Variants in SGF29 observed in about 807,000 individuals in gnomAD.
The protein encoded by SGF29 is SAGA complex associated factor 29, also known as SAGA-associated factor 29.
SGF29 carries 15 observed loss-of-function variants against 38.1 expected under a neutral mutation model. The ratio of observed to expected loss-of-function variants is 0.39; its 90% CI spans 0.26 to 0.61. The LOEUF (loss-of-function observed/expected upper bound fraction) is 0.61, where lower values mean the gene tolerates loss of function less well. Among genes scored for constraint, SGF29 ranks in the 20% least tolerant of loss-of-function variants. SGF29 has a pLI of 0.49. For missense variants in SGF29, 184 were observed against 394.6 expected (o/e 0.47, Z 4.52); for synonymous variants, 151 against 160.8 (o/e 0.94, Z 0.46).
At chr16:28,555,789 C>A (rs2046746987) in intron 1 of SGF29, among the ~76,000 whole-genome samples, 1 of 152,166 alleles carries the variant, frequency 6.6e-6, no homozygotes, top group Non-Finnish European at 1.5e-5. Flanking sequence ...TTTCAGTTGC[C>A]TCAATCATCA....
chr16:28,564,688 T>TACATATATATAC (rs1567285889), intron 1 of SGF29, among the ~76,000 whole-genome samples: 2 of 75,482 alleles, frequency 2.6e-5, no homozygotes, highest in African/African-American at 5.8e-5. Flanking sequence ...TATATATGTG[T>TACATATATATAC]ATATATATGT....
At chr16:28,564,699 A>ATATATATGTG (rs2046820350) in intron 1 of SGF29, among the ~76,000 whole-genome samples, 1 of 80,230 alleles carries the variant, frequency 1.2e-5, no homozygotes, top group Non-Finnish European at 2.5e-5. Context: ...ATATATATGT[A>ATATATATGTG]TATATATACA....
chr16:28,590,752 T>A lies in SGF29; in HGVS notation c.603-21T>A. Reference sequence around the variant, plus strand: ...GCATCCCCACCCGGCCACAGGTTGATATAAGCCCCTCTTCCCCCAGGAGAC... The same window carrying A: ...GCATCCCCACCCGGCCACAGGTTGAAATAAGCCCCTCTTCCCCCAGGAGAC... On this transcript the variant is annotated intron_variant, in intron 8 of 9. Transcript: ENST00000317058. This position sits in a 1 kb window ranked among gnomAD's most constrained non-coding sequence, Gnocchi z 8.2. The A allele has an allele frequency of 3.1e-6, 5 of 1,613,950 alleles. No homozygotes were observed. The highest frequency in any genetic ancestry group is 4.2e-6 in the Non-Finnish European group (5 of 1,179,950).
At chr16:28,589,042 A>G in intron 4 of SGF29, 58 bp from the exon 5 acceptor site, 1 of 1,585,820 alleles carries the variant, frequency 6.3e-7, no homozygotes, top group South Asian at 1.1e-5. Context: ...AAAATGGAAG[A>G]GAAGTCTATG....
At chr16:28,582,959 A>G (rs1197385795) in intron 2 of SGF29, among the ~76,000 whole-genome samples, 2 of 152,332 alleles carry the variant, frequency 1.3e-5, no homozygotes, top group South Asian at 2.1e-4. Context: ...AAGGAAAAAA[A>G]AGATACAGGC....
Position 28,590,655 on chromosome 16 carries a change from A to G in SGF29, c.591A>G (p.Glu197=). The change falls in exon 8 of 10, where the codon GAA becomes GAG. Residue 197 remains glutamate, a synonymous_variant. Transcript: ENST00000317058. This position sits in a 1 kb window ranked among gnomAD's most constrained non-coding sequence, Gnocchi z 8.2. ...TNKYEVDDID[E]EGKERHTLSR... is the part of the protein sequence containing the mutation. Reference sequence around the variant, plus strand: ...GGTATGAGGTAGATGACATCGATGAAGAAGGCAAAGAGTGAGTGTCCAGGC... The same window carrying G: ...GGTATGAGGTAGATGACATCGATGAGGAAGGCAAAGAGTGAGTGTCCAGGC... 1.2e-6 allele frequency: 2 copies of G among 1,614,060 alleles called. No homozygotes were observed. Among genetic ancestry groups the G allele is most frequent in the Non-Finnish European group, 1.7e-6 (2 of 1,180,004 alleles).
chr16:28,563,445 A>G (rs1345830701), intron 1 of SGF29, among the ~76,000 whole-genome samples: 1 of 152,116 alleles, frequency 6.6e-6, no homozygotes, highest in Admixed American at 6.6e-5. Context: ...CTTCCAGACC[A>G]CGTGGTCAGC....
chr16:28,575,396 A>T (rs2046886883), intron 1 of SGF29, among the ~76,000 whole-genome samples: 1 of 152,216 alleles, frequency 6.6e-6, no homozygotes, highest in Admixed American at 6.5e-5. Context: ...ACTCAAGACA[A>T]CTGGCTGGAC....
At chr16:28,573,902 G>A (rs1395864174) in intron 1 of SGF29, among the ~76,000 whole-genome samples, 2 of 152,164 alleles carry the variant, frequency 1.3e-5, no homozygotes, top group Admixed American at 1.3e-4. Context: ...TGGCCACGTG[G>A]TTGCAGCACC....
At chr16:28,557,322 T>A (rs551155159) in intron 1 of SGF29, among the ~76,000 whole-genome samples, 10 of 152,362 alleles carry the variant, frequency 6.6e-5, no homozygotes, top group Non-Finnish European at 1.5e-4. Flanking sequence ...GTTTGTTGAC[T>A]CTGTGATATT....
intron 1 of SGF29, among the ~76,000 whole-genome samples, chr16:28,559,209 A>T (rs950345202): frequency 6.6e-6 from 1 of 152,124 alleles, no homozygotes; most frequent in Admixed American, 6.6e-5. Flanking sequence ...AGTCCCAGCC[A>T]CTTGGGAGGC....
At chr16:28,566,585 T>C (rs2046837347) in intron 1 of SGF29, among the ~76,000 whole-genome samples, 1 of 150,268 alleles carries the variant, frequency 6.7e-6, no homozygotes, top group Non-Finnish European at 1.5e-5. Context: ...GGCTCAGGAG[T>C]TCAAGACCAG....
rs1491089075 is a variant in SGF29 at position 28,564,548 on chromosome 16, TAC to T, written c.-16+10452_-16+10453del. Among the ~76,000 whole-genome samples the T allele has an allele frequency of 1.5e-4, 14 of 92,148 alleles. 1 individual carries two copies. The highest frequency in any genetic ancestry group is 6.5e-4 in the Admixed American group (5 of 7,656). The allele number at this position is 92,148 out of a possible 152,430, so 60.5% of individuals were successfully genotyped here. A position where few individuals can be genotyped will look rare whatever the true frequency, so the allele number is the denominator to read the frequency against. ...GTGTGTATATATATATGTATATATA[TAC>T]GTATATATATATATACGTATATATA... On this transcript the variant is annotated intron_variant, in intron 1 of 9. Transcript: ENST00000317058.
intron 1 of SGF29, among the ~76,000 whole-genome samples, chr16:28,555,253 C>G (rs377685367): frequency 1.2e-4 from 18 of 151,502 alleles, no homozygotes; most frequent in East Asian, 3.9e-4. Flanking sequence ...TGCCTGAGCT[C>G]AGGGGTTTGA....
chr16:28,584,256 G>T (rs186764573), intron 2 of SGF29, among the ~76,000 whole-genome samples: 25 of 152,064 alleles, frequency 1.6e-4, no homozygotes, highest in Admixed American at 8.5e-4. Context: ...CTTCCAAAGT[G>T]CTGGGATTAC....
At chr16:28,580,077 G>C (rs1214707279) in intron 1 of SGF29, among the ~76,000 whole-genome samples, 3 of 152,158 alleles carry the variant, frequency 2.0e-5, no homozygotes, top group Non-Finnish European at 4.4e-5. Context: ...ATGGATACCA[G>C]AAATGTTTGA....
At chr16:28,555,475 CAA>C (rs1347740081) in intron 1 of SGF29, among the ~76,000 whole-genome samples, 1 of 152,204 alleles carries the variant, frequency 6.6e-6, no homozygotes, top group South Asian at 2.1e-4. Flanking sequence ...GACCCTGTCT[CAA>C]AAAAGAGTTC....
In SGF29 at chr16:28,591,734, A is replaced by C. The variant is rs2046993047; in HGVS notation, c.*28A>C. 2 of 1,540,478 alleles carry C rather than the reference A, an allele frequency of 1.3e-6. No homozygotes were observed. The highest frequency in any genetic ancestry group is 2.2e-5 in the East Asian group (1 of 44,578). On this transcript the variant is annotated 3_prime_UTR_variant, in exon 10 of 10. Transcript: ENST00000317058. Reference sequence around the variant, plus strand: ...CCGCCTGGCAGACTCGCCATCCCCCAACGACACAGGGCAGGACAGCAGAGG... The same window carrying C: ...CCGCCTGGCAGACTCGCCATCCCCCCACGACACAGGGCAGGACAGCAGAGG...
At chr16:28,563,014 G>T (rs1332379455) in intron 1 of SGF29, among the ~76,000 whole-genome samples, 1 of 151,912 alleles carries the variant, frequency 6.6e-6, no homozygotes, top group Non-Finnish European at 1.5e-5. Context: ...GGGTGTGTGT[G>T]CTCTGATTGT....
Sources: gnomAD v4.1 joint callset for allele counts (sites outside exome capture counted in the v4.1 genomes callset) on GRCh38, gnomAD v4.1.1 for gene constraint, Gnocchi (gnomAD v3.1) non-coding constraint, MANE v1.5 for transcripts, NCBI Gene and HGNC (gene_info 2026-07-23, HGNC 2026-07-21) for gene names.